CSMD1: variants seen among roughly 807,000 people sequenced by gnomAD.
The protein encoded by CSMD1 is CUB and sushi domain-containing protein 1.
CSMD1 carries 213 observed loss-of-function variants against 417.5 expected under a neutral mutation model. The ratio of observed to expected loss-of-function variants is 0.51; its 90% confidence interval spans 0.46 to 0.57. The LOEUF (loss-of-function observed/expected upper bound fraction) is 0.57, where lower values mean the gene tolerates loss of function less well. Ranked by LOEUF, CSMD1 falls within the 20% of genes least tolerant of loss-of-function variation. CSMD1 has a pLI of 0.00. For synonymous variants in CSMD1, 2,862 were observed against 1,736.8 expected, an observed-to-expected ratio of 1.65 and a Z score of -16.11; for missense variants, 6,923 against 4,529.7, an observed-to-expected ratio of 1.53 and a Z score of -15.17.
At chr8:3,526,312 A>C (rs1012927350) in intron 10 of CSMD1, among the ~76,000 whole-genome samples, 2 of 147,830 alleles carry the variant, frequency 1.4e-5, no homozygotes, top group African/African-American at 5.0e-5. Context: ...CAATGTTTAA[A>C]ATATATTTTT....
intron 42 of CSMD1, among the ~76,000 whole-genome samples, chr8:3,111,375 G>C (rs1585377958): frequency 6.6e-6 from 1 of 152,134 alleles, no homozygotes; most frequent in African/African-American, 2.4e-5. Flanking sequence ...TGTATGTAGA[G>C]ACTACTTTAG....
chr8:3,431,784 C>T (rs76268539), intron 12 of CSMD1, among the ~76,000 whole-genome samples: 3 of 152,132 alleles, frequency 2.0e-5, no homozygotes, highest in African/African-American at 4.8e-5. Flanking sequence ...AAAATTTGCT[C>T]CTATTTATTC....
intron 1 of CSMD1, among the ~76,000 whole-genome samples, chr8:4,924,690 C>A (rs554041162): frequency 5.2e-5 from 6 of 114,568 alleles, no homozygotes; most frequent in African/African-American, 1.7e-4. Context: ...CCATTGCACT[C>A]TAGCCTGGGA....
intron 3 of CSMD1, among the ~76,000 whole-genome samples, chr8:4,342,324 A>G (rs1017878891): frequency 6.6e-6 from 1 of 152,098 alleles, no homozygotes; most frequent in Non-Finnish European, 1.5e-5. Context: ...TATGTAAAAC[A>G]TAGGTATTAC....
intron 8 of CSMD1, among the ~76,000 whole-genome samples, chr8:3,605,209 C>G (rs879489699): frequency 4.6e-5 from 7 of 152,184 alleles, no homozygotes; most frequent in Non-Finnish European, 7.3e-5. Context: ...CTAGGCTGGT[C>G]TCGAGCTCCT....
intron 3 of CSMD1, among the ~76,000 whole-genome samples, chr8:4,203,253 C>T (rs1289377335): frequency 6.6e-6 from 1 of 152,086 alleles, no homozygotes; most frequent in African/African-American, 2.4e-5. Flanking sequence ...ATGTTGGCAG[C>T]CTGCAGAAGA....
intron 15 of CSMD1, among the ~76,000 whole-genome samples, chr8:3,404,591 A>T (rs1209955445): frequency 6.6e-6 from 1 of 152,208 alleles, no homozygotes; most frequent in African/African-American, 2.4e-5. Flanking sequence ...GATATTTAAC[A>T]TATATTCCTG....
intron 1 of CSMD1, among the ~76,000 whole-genome samples, chr8:4,793,648 A>G (rs1797814769): frequency 6.6e-6 from 1 of 152,126 alleles, no homozygotes; most frequent in Non-Finnish European, 1.5e-5. Flanking sequence ...TATTGCTGTC[A>G]ATAGCAATGT....
chr8:3,680,253 T>C (rs28834226), intron 7 of CSMD1, among the ~76,000 whole-genome samples: 22,342 of 152,036 alleles, frequency 0.15, 1,825 homozygotes, highest in South Asian at 0.22. Context: ...CAGGAGCTGG[T>C]TTTTTGAAAA....
chr8:3,078,150 C>T lies in CSMD1; in HGVS notation c.7474+8947G>A, dbSNP rs375315771. ...ATTAGCCACTCTTATGCATAGGACC[C>T]TTGATTCTTTTATAAAATATTATTA... On this transcript the variant is annotated intron_variant, in intron 49 of 69. Transcript: ENST00000635120. 8.7e-4 allele frequency among the ~76,000 whole-genome samples: 132 copies of T among 152,282 alleles called. No homozygotes were observed. The East Asian group carries it at 0.02, about 24-fold the overall frequency.
At chr8:3,035,462 T>C (rs982663785) in intron 50 of CSMD1, among the ~76,000 whole-genome samples, 2 of 152,166 alleles carry the variant, frequency 1.3e-5, no homozygotes, top group South Asian at 2.1e-4. Context: ...TCACATCATG[T>C]TGTGTTTCTG....
At chr8:3,176,687 TA>T (rs1426346067) in intron 37 of CSMD1, among the ~76,000 whole-genome samples, 1 of 152,166 alleles carries the variant, frequency 6.6e-6, no homozygotes, top group Non-Finnish European at 1.5e-5. Flanking sequence ...TACTGAAGTA[TA>T]AAATGATAGC....
chr8:4,075,090 A>G (rs1799753205), intron 3 of CSMD1, among the ~76,000 whole-genome samples: 2 of 152,164 alleles, frequency 1.3e-5, no homozygotes, highest in South Asian at 2.1e-4. Context: ...CTTCAGTATT[A>G]TTAGACAAAG....
intron 1 of CSMD1, among the ~76,000 whole-genome samples, chr8:4,965,031 C>T (rs374428570): frequency 6.6e-6 from 1 of 152,120 alleles, no homozygotes; most frequent in East Asian, 1.9e-4. Flanking sequence ...ATGCACGTTG[C>T]TTTACTTTAA....
At chr8:4,877,347 T>C (rs941972424) in intron 1 of CSMD1, among the ~76,000 whole-genome samples, 1 of 152,096 alleles carries the variant, frequency 6.6e-6, no homozygotes, top group Non-Finnish European at 1.5e-5. Context: ...AGATAAATTA[T>C]GTTATTTTAC....
chr8:3,511,420 T>C (rs550405790), intron 10 of CSMD1, among the ~76,000 whole-genome samples: 1 of 151,714 alleles, frequency 6.6e-6, no homozygotes, highest in South Asian at 2.1e-4. Context: ...GATTTGGAAA[T>C]GATCTGTACC....
chr8:4,656,101 G>A (rs192275591), intron 1 of CSMD1, among the ~76,000 whole-genome samples: 1 of 152,174 alleles, frequency 6.6e-6, no homozygotes, highest in East Asian at 1.9e-4. Flanking sequence ...CTAGTCTTAT[G>A]GGGGCAAAGT....
chr8:4,022,255 C>G (rs569873825), intron 4 of CSMD1, among the ~76,000 whole-genome samples: 7 of 150,612 alleles, frequency 4.6e-5, no homozygotes, highest in South Asian at 2.1e-4. Flanking sequence ...CTATGCCTCA[C>G]TATTCATTTG....
At chr8:4,199,694 T>C in intron 3 of CSMD1, among the ~76,000 whole-genome samples, 1 of 152,160 alleles carries the variant, frequency 6.6e-6, no homozygotes, top group Admixed American at 6.5e-5. Flanking sequence ...CCAGATTTAA[T>C]ATTGTTAATC....
Sources: allele counts gnomAD v4.1 joint callset (sites outside exome capture counted in the v4.1 genomes callset), GRCh38; gene constraint gnomAD v4.1.1; transcripts MANE v1.5; gene names NCBI Gene and HGNC (gene_info 2026-07-23, HGNC 2026-07-21).